Variants in DMD observed in about 807,000 individuals in gnomAD.
The protein encoded by DMD is mutant dystrophin.
In DMD, 63 loss-of-function variants were observed where a neutral mutation model predicts 330.1. The ratio of observed to expected loss-of-function variants is 0.19; its 90% CI spans 0.16 to 0.24. The LOEUF is 0.24. Ranked by LOEUF, DMD falls within the 10% of genes least tolerant of loss-of-function variation. The probability of loss-of-function intolerance (pLI) is 1.00; values close to 1 mark genes in which losing one functional copy is unlikely to be tolerated. For synonymous variants in DMD, 1,223 were observed against 959.8 expected (o/e 1.27, Z -5.07); for missense variants, 3,344 against 2,684.1 (o/e 1.25, Z -5.43).
At chrX:33,023,347 G>A (rs771693394) in intron 1 of DMD, among the ~76,000 whole-genome samples, 7 of 111,339 alleles carry the variant, frequency 6.3e-5, no homozygotes, top group Admixed American at 1.9e-4. Flanking sequence ...AAAATTATCA[G>A]TTCAACATTA....
At position 32,131,551 on chromosome X, in the gene DMD, A is replaced by G. The variant is rs777075719; in HGVS notation, c.6438+85365T>C. ...CATTGTGATGGAGCTAGGGATTGTC[A>G]AGATCATGTATAGACATCCTAACAT... On this transcript the variant is annotated intron_variant, in intron 44 of 78. Transcript: ENST00000357033. Among the ~76,000 whole-genome samples, 12 of 112,291 alleles carry G rather than the reference A, an allele frequency of 1.1e-4. No individual in the cohort carries two copies. In the East Asian group the frequency reaches 2.5e-3, roughly 24 times the overall value.
chrX:31,357,402 T>A (rs1048144279), intron 60 of DMD, among the ~76,000 whole-genome samples: 48 of 108,072 alleles, frequency 4.4e-4, no homozygotes, highest in Non-Finnish European at 1.9e-4. Context: ...AGACGGCATA[T>A]ATTAGGAAAT....
Position 32,407,104 on chromosome X carries a change from C to A in DMD, c.4233+4648G>T, listed in dbSNP as rs184428584. On this transcript the variant is annotated intron_variant, in intron 30 of 78. Coordinates refer to ENST00000357033, the MANE Select transcript of DMD (RefSeq NM_004006.3). ...ACGAAAACAACAAAAGCAATGGCAACAAAAGCCAAAATTGACAAATGGGAT... is the reference window on the plus strand; with the variant it reads ...ACGAAAACAACAAAAGCAATGGCAAAAAAAGCCAAAATTGACAAATGGGAT... 1.7e-3 allele frequency among the ~76,000 whole-genome samples: 188 copies of A among 111,626 alleles called. 1 individual carries two copies. The highest frequency in any genetic ancestry group is 6.0e-3 in the African/African-American group (185 of 30,706).
chrX:32,333,788 T>C (rs867795557), intron 41 of DMD, among the ~76,000 whole-genome samples: 1 of 110,891 alleles, frequency 9.0e-6, no homozygotes, highest in Non-Finnish European at 1.9e-5. Context: ...CTCTATATTA[T>C]GTGTTGTTGA....
chrX:32,242,710 A>G (rs2097213578), intron 43 of DMD, among the ~76,000 whole-genome samples: 1 of 111,194 alleles, frequency 9.0e-6, no homozygotes, highest in African/African-American at 3.3e-5. Context: ...GTGTTCTAAA[A>G]CATTATAATA....
intron 1 of DMD, among the ~76,000 whole-genome samples, chrX:33,210,473 A>G (rs2051836807): frequency 9.0e-6 from 1 of 111,132 alleles, no homozygotes; most frequent in African/African-American, 3.3e-5. Context: ...CTTAAAAATA[A>G]ACGAAATAGT....
chrX:31,164,582 A>G (rs892306264), intron 74 of DMD, among the ~76,000 whole-genome samples: 7 of 110,859 alleles, frequency 6.3e-5, no homozygotes, highest in Non-Finnish European at 1.3e-4. Flanking sequence ...CCGAAATATC[A>G]CTCAGATCAG....
intron 29 of DMD, among the ~76,000 whole-genome samples, chrX:32,432,553 G>A (rs2098242636): frequency 8.9e-6 from 1 of 112,032 alleles, no homozygotes; most frequent in Admixed American, 9.5e-5. Flanking sequence ...ACAGAAGTCA[G>A]CCCTATCACA....
At chrX:31,231,058 G>A (rs1191080814) in intron 63 of DMD, among the ~76,000 whole-genome samples, 1 of 111,169 alleles carries the variant, frequency 9.0e-6, no homozygotes, top group African/African-American at 3.3e-5. Context: ...ATGGAGGGCT[G>A]ACTCATATAG....
At chrX:32,823,472 A>G in intron 4 of DMD, 85 bp from the exon 5 acceptor site, 2 of 675,597 alleles carry the variant, frequency 3.0e-6, no homozygotes, top group Non-Finnish European at 4.8e-6. Context: ...CGTGAAGGTA[A>G]TTGCATTTAG....
intron 44 of DMD, 39 bp from the exon 45 acceptor site, chrX:31,968,553 C>A (rs779448539): frequency 1.7e-6 from 2 of 1,177,850 alleles, no homozygotes; most frequent in Non-Finnish European, 2.3e-6. Flanking sequence ...AATGAAGCCC[C>A]ATGTCTTTTT....
At chrX:31,488,031 A>T (rs1049467926) in intron 57 of DMD, among the ~76,000 whole-genome samples, 5 of 112,144 alleles carry the variant, frequency 4.5e-5, no homozygotes, top group Non-Finnish European at 9.4e-5. Flanking sequence ...ATTCTCTGAG[A>T]TCAAGGGCAC....
intron 60 of DMD, among the ~76,000 whole-genome samples, chrX:31,418,031 T>TAAA (rs59690085): frequency 1.1e-5 from 1 of 90,368 alleles, no homozygotes; most frequent in Admixed American, 1.2e-4. Flanking sequence ...TGTAGAAAAT[T>TAAA]AAAAAAAAAA....
At chrX:32,042,651 T>C (rs753581794) in intron 44 of DMD, among the ~76,000 whole-genome samples, 17 of 112,091 alleles carry the variant, frequency 1.5e-4, no homozygotes, top group Non-Finnish European at 2.6e-4. Flanking sequence ...ATCAACTATA[T>C]AATCACAATA....
chrX:32,746,674 A>G (rs964722151), intron 7 of DMD, among the ~76,000 whole-genome samples: 3 of 112,227 alleles, frequency 2.7e-5, no homozygotes, highest in African/African-American at 9.7e-5. Flanking sequence ...CATATCCATT[A>G]CCTCAAATAT....
intron 16 of DMD, among the ~76,000 whole-genome samples, chrX:32,548,086 C>T (rs1232397655): frequency 2.7e-5 from 3 of 111,388 alleles, no homozygotes; most frequent in Non-Finnish European, 3.8e-5. Context: ...ACACCATAGT[C>T]AATCAAAGAA....
intron 9 of DMD, among the ~76,000 whole-genome samples, chrX:32,656,714 C>T (rs768554299): frequency 9.0e-6 from 1 of 111,691 alleles, no homozygotes; most frequent in East Asian, 2.8e-4. Context: ...TTACACTAAC[C>T]CTTGCATTGT....
intron 59 of DMD, among the ~76,000 whole-genome samples, chrX:31,446,898 A>T (rs1436195652): frequency 8.9e-6 from 1 of 111,803 alleles, no homozygotes; most frequent in East Asian, 2.8e-4. Context: ...AGGGCAAGCC[A>T]GCAGGCAGCA....
intron 62 of DMD, among the ~76,000 whole-genome samples, chrX:31,272,449 T>C (rs5972362): frequency 0.44 from 48,379 of 110,806 alleles, 7,949 homozygotes; most frequent in East Asian, 0.81. Flanking sequence ...CAGCTCAAAC[T>C]TGTAACTATT....
Sources: allele counts gnomAD v4.1 joint callset (sites outside exome capture counted in the v4.1 genomes callset), GRCh38; gene constraint gnomAD v4.1.1; transcripts MANE v1.5; gene names NCBI Gene and HGNC (gene_info 2026-07-23, HGNC 2026-07-21).